The following KRT1 variants were observed in gnomAD, a reference collection of about 807,000 sequenced individuals.
KRT1 encodes keratin, type II cytoskeletal 1.
KRT1 carries 28 observed loss-of-function variants against 51.6 expected under a neutral mutation model. The observed-to-expected ratio is 0.54, with a 90% CI of 0.40 to 0.74. The LOEUF (loss-of-function observed/expected upper bound fraction) is 0.74. Among genes scored for constraint, KRT1 ranks in the 30% least tolerant of loss-of-function variants. The probability of loss-of-function intolerance (pLI) is 0.00; values close to 1 mark genes in which losing one functional copy is unlikely to be tolerated. For missense variants in KRT1, 783 were observed against 815.5 expected (o/e 0.96, Z 0.49); for synonymous variants, 301 against 307.7 (o/e 0.98, Z 0.23).
Position 52,678,161 on chromosome 12 carries a change from A to G in KRT1, c.867+2T>C, listed in dbSNP as rs1411282005. On this transcript the variant is annotated splice_donor_variant, in intron 3 of 8. Transcript: ENST00000252244. LOFTEE classifies it high-confidence loss of function. ...GAGTTCCGTCCTACAGAATTTGCTTACCTTCTTGATGGTCACAAATTCATT... is the reference window on the plus strand; with the variant it reads ...GAGTTCCGTCCTACAGAATTTGCTTGCCTTCTTGATGGTCACAAATTCATT... The G allele has an allele frequency of 5.6e-6, 9 of 1,613,690 alleles. No homozygotes were observed. Among genetic ancestry groups the G allele is most frequent in the Non-Finnish European group, 7.6e-6 (9 of 1,179,820 alleles).
intron 7 of KRT1, among the ~76,000 whole-genome samples, chr12:52,676,071 T>C (rs1941498324): frequency 6.6e-6 from 1 of 152,212 alleles, no homozygotes; most frequent in Non-Finnish European, 1.5e-5. Flanking sequence ...TTTCTAGATA[T>C]GTTACAGCCC....
chr12:52,678,325 T>A, intron 2 of KRT1, 102 bp from the exon 3 acceptor site: 1 of 1,228,262 alleles, frequency 8.1e-7, no homozygotes, highest in Non-Finnish European at 1.2e-6. Context: ...CTTTCTATTA[T>A]GAACCTAGGA....
At position 52,675,219 on chromosome 12, in the gene KRT1, T is replaced by C. The variant is rs1297499679; in HGVS notation, c.1909A>G (p.Thr637Ala). The change falls in exon 9 of 9, where the codon ACC becomes GCC. Residue 637 changes from threonine to alanine, a missense_variant. Transcript: ENST00000252244. The stretch of plus-strand genomic sequence containing the variant: ...TATCTGGTTACTCCGGAATAAGTGG[T>C]AGAAACAAACTTCACGCTGGAACTG... ...GGSSSVKFVS[T>A]TYSGVTR is the part of the protein sequence containing the mutation. 1 of 1,613,814 alleles carries C rather than the reference T, an allele frequency of 6.2e-7. No individual in the cohort carries two copies. The highest frequency in any genetic ancestry group is 8.5e-7 in the Non-Finnish European group (1 of 1,180,016).
Position 52,675,397 on chromosome 12 carries a change from G to T in KRT1, c.1731C>A (p.Ser577Arg). The T allele has an allele frequency of 1.3e-6, 2 of 1,576,984 alleles. No individual in the cohort carries two copies. Among genetic ancestry groups the T allele is most frequent in the Non-Finnish European group, 1.7e-6 (2 of 1,157,748 alleles). The change falls in exon 9 of 9, where the codon AGC (serine) becomes AGA (arginine). Residue 577 changes from serine to arginine, a missense_variant. Transcript: ENST00000252244. ...CCCCACTGCTGCTTCCGGAGCCGTA[G>T]CTGCCATGGCCGCCGCCGCCACCTC... ...GSGGGGGGHG[S>R]YGSGSSSGGY...
rs774332167 is a variant in KRT1, at chr12:52,675,276, A to T, written c.1852T>A (p.Ser618Thr). ...GAGGACTTGACACCCCCAGAGCTGG[A>T]TCCCCGGCCTCCTATGGAGCCTCCA... Reference protein sequence around the residue: ...SSGGSIGGRGSSSGGVKSSGG... With the variant: ...SSGGSIGGRGTSSGGVKSSGG... The change falls in exon 9 of 9, where the codon TCC becomes ACC. Residue 618 changes from serine to threonine, a missense_variant. Physicochemically the swap from Ser to Thr is moderately conservative, Grantham distance 58 (BLOSUM62 1). Transcript: ENST00000252244. 4.3e-6 allele frequency: 7 copies of T among 1,613,798 alleles called. No individual in the cohort carries two copies. The East Asian group carries it at 1.3e-4, about 31-fold the overall frequency.
intron 1 of KRT1, among the ~76,000 whole-genome samples, chr12:52,679,214 T>G (rs770116943): frequency 6.6e-6 from 1 of 152,142 alleles, no homozygotes; most frequent in Non-Finnish European, 1.5e-5. Context: ...TTATCTGAGT[T>G]TTTTAGAGCT....
Position 52,678,689 on chromosome 12 carries a change from G to C in KRT1, c.659C>G (p.Thr220Ser). Residue 220 changes from threonine (T) to serine (S), a missense_variant, in exon 2 of 9, where the codon ACC becomes AGC. Thr to Ser is a moderately conservative substitution (Grantham distance 58). Coordinates refer to ENST00000252244, the MANE Select transcript of KRT1 (RefSeq NM_006121.4). ...TKWELLQQVD[T>S]STRTHNLEPY... ...CTCTAAATTATGGGTTCTAGTGGAGGTATCTACCTGCTGCAGCAGCTCCCA... is the reference window on the plus strand; with the variant it reads ...CTCTAAATTATGGGTTCTAGTGGAGCTATCTACCTGCTGCAGCAGCTCCCA... 1 of 1,614,210 alleles carries C rather than the reference G, an allele frequency of 6.2e-7. No individual in the cohort carries two copies. Among genetic ancestry groups the C allele is most frequent in the African/African-American group, 1.3e-5 (1 of 75,046 alleles).
rs868166486 is a variant in KRT1, at chr12:52,680,045, C to T, written c.304G>A (p.Gly102Ser). 6.4e-7 allele frequency: 1 copy of T among 1,556,594 alleles called. No homozygotes were observed. The highest frequency in any genetic ancestry group is 8.7e-7 in the Non-Finnish European group (1 of 1,149,808). Residue 102 changes from glycine to serine, a missense_variant, in exon 1 of 9, where the codon GGT (glycine) becomes AGT (serine). By Grantham distance (56) the Gly-to-Ser change is moderately conservative. Transcript: ENST00000252244. ...CCAAAGCCACCACCACCAAAGCCACCACCACCAAAGCCACCACCACCATAA... is the reference window on the plus strand; with the variant it reads ...CCAAAGCCACCACCACCAAAGCCACTACCACCAAAGCCACCACCACCATAA... ...GGYGGGGFGG[G>S]GFGGGGFGGG... is the part of the protein sequence containing the mutation.
chr12:52,677,857 CT>C (rs1188194002), intron 3 of KRT1, 112 bp from the exon 4 acceptor site: 4 of 912,680 alleles, frequency 4.4e-6, no homozygotes, highest in Non-Finnish European at 5.4e-6. Flanking sequence ...TACTCCACTC[CT>C]TTTTGCCCCA....
chr12:52,678,140 T>C, intron 3 of KRT1, 23 bp downstream of exon 3: 2 of 1,611,944 alleles, frequency 1.2e-6, no homozygotes, highest in African/African-American at 2.7e-5. Flanking sequence ...AAATGTGAGT[T>C]CCGTCCTACA....
chr12:52,678,451 A>G (rs1941541577), intron 2 of KRT1, 91 bp downstream of exon 2: 1 of 1,313,094 alleles, frequency 7.6e-7, no homozygotes, highest in African/African-American at 1.5e-5. Context: ...AAGAAAAGAC[A>G]TAGCTACATG....
rs751753610 is a variant in KRT1, at chr12:52,678,561, C to A, written c.787G>T (p.Val263Leu). ...DSELKNMQDM[V>L]EDYRNKYEDE... ...CCTTACTTGTTCCGGTAATCCTCCA[C>A]CATGTCCTGCATGTTCTTCAGTTCC... Residue 263 changes from valine (V) to leucine (L), a missense_variant, in exon 2 of 9, where the codon GTG (valine) becomes TTG (leucine). Coordinates refer to ENST00000252244, the MANE Select transcript of KRT1 (RefSeq NM_006121.4). 6.2e-7 allele frequency: 1 copy of A among 1,614,218 alleles called. No individual in the cohort carries two copies. The highest frequency in any genetic ancestry group is 1.1e-5 in the South Asian group (1 of 91,086).
chr12:52,678,676 G>T lies in KRT1; in HGVS notation c.672C>A (p.Thr224=). ...ACTCAAAGTAGGGCTCTAAATTATG[G>T]GTTCTAGTGGAGGTATCTACCTGCT... ...LLQQVDTSTR[T]HNLEPYFESF... Residue 224 remains threonine (T), a synonymous_variant, in exon 2 of 9, where the codon ACC becomes ACA. Coordinates refer to ENST00000252244, the MANE Select transcript of KRT1 (RefSeq NM_006121.4). 1 of 1,614,148 alleles carries T rather than the reference G, an allele frequency of 6.2e-7. No individual in the cohort carries two copies. Among genetic ancestry groups the T allele is most frequent in the South Asian group, 1.1e-5 (1 of 91,066 alleles).
chr12:52,674,835 C>A lies in KRT1; in HGVS notation c.*358G>T. Reference sequence around the variant, plus strand: ...CTTGCTTACACCTTATGTACAAAACCAAAACAGCACAGAGATAAGATGCTA... The same window carrying A: ...CTTGCTTACACCTTATGTACAAAACAAAAACAGCACAGAGATAAGATGCTA... On this transcript the variant is annotated 3_prime_UTR_variant, in exon 9 of 9. Transcript: ENST00000252244. The A allele has an allele frequency of 4.9e-6, 2 of 407,204 alleles. No homozygotes were observed. The highest frequency in any genetic ancestry group is 2.7e-5 in the South Asian group (1 of 37,298). The allele number at this position is 407,204 out of a possible 1,614,324, so 25.2% of individuals were successfully genotyped here.
At position 52,677,346 on chromosome 12, in the gene KRT1, T is replaced by C; in HGVS notation, c.1098A>G (p.Lys366=). ...TCTGGTACAAGGACTCGGCCTCAGC[T>C]TTGCTCTTCTGGGCTATATCCTCGT... ...AQYEDIAQKS[K]AEAESLYQSK... Residue 366 remains lysine, a synonymous_variant, in exon 5 of 9, where the codon AAA becomes AAG. Coordinates refer to ENST00000252244, the MANE Select transcript of KRT1 (RefSeq NM_006121.4). 6.2e-7 allele frequency: 1 copy of C among 1,614,228 alleles called. No individual in the cohort carries two copies. The highest frequency in any genetic ancestry group is 8.5e-7 in the Non-Finnish European group (1 of 1,180,048).
At chr12:52,675,845 T>A (rs1402619462) in intron 7 of KRT1, 101 bp from the exon 8 acceptor site, 119 of 1,325,320 alleles carry the variant, frequency 9.0e-5, no homozygotes, top group Non-Finnish European at 1.2e-4. Flanking sequence ...CATCTGGGTC[T>A]TCTCCAATGC....
At position 52,675,701 on chromosome 12, in the gene KRT1, T is replaced by C; in HGVS notation, c.1510+9A>G. 6.2e-7 allele frequency: 1 copy of C among 1,614,230 alleles called. No homozygotes were observed. Among genetic ancestry groups the C allele is most frequent in the Non-Finnish European group, 8.5e-7 (1 of 1,180,046 alleles). Reference sequence around the variant, plus strand: ...TGCACATGCCCCTGAGAAATCGACTTGTACTTACACACACTCACGTTCGGG... The same window carrying C: ...TGCACATGCCCCTGAGAAATCGACTCGTACTTACACACACTCACGTTCGGG... On this transcript the variant is annotated intron_variant, in intron 8 of 8. Transcript: ENST00000252244.
chr12:52,675,731 A>AT lies in KRT1; in HGVS notation c.1488dup (p.Cys497MetfsTer34), dbSNP rs752594720. The AT allele has an allele frequency of 2.5e-6, 4 of 1,614,196 alleles. No individual in the cohort carries two copies. The Admixed American group carries it at 6.7e-5, about 27-fold the overall frequency. The stretch of plus-strand genomic sequence containing the variant: ...TTACACACACTCACGTTCGGGGCAC[A>AT]TTCTCCAGACATCCTGTAGGAGAAA... On this transcript the variant is annotated frameshift_variant, in exon 8 of 9. Transcript: ENST00000252244. LOFTEE classifies it low-confidence loss of function (END_TRUNC).
chr12:52,677,538 C>T lies in KRT1; in HGVS notation c.964-58G>A, dbSNP rs1941528526. The T allele has an allele frequency of 3.7e-6, 6 of 1,610,078 alleles. No individual in the cohort carries two copies. The Admixed American group carries it at 5.0e-5, about 13-fold the overall frequency. On this transcript the variant is annotated intron_variant, in intron 4 of 8. Coordinates refer to ENST00000252244, the MANE Select transcript of KRT1 (RefSeq NM_006121.4). ...GCACTAAAACAAAAAACAACTTAGA[C>T]AGAGAAAGCAGTCAGAAAATAAAAG...
Sources: allele counts gnomAD v4.1 joint callset (sites outside exome capture counted in the v4.1 genomes callset), GRCh38; gene constraint gnomAD v4.1.1; transcripts MANE v1.5; gene names NCBI Gene and HGNC (gene_info 2026-07-23, HGNC 2026-07-21).